The following TBC1D5 variants were observed in gnomAD, a reference collection of about 807,000 sequenced individuals.
The protein encoded by TBC1D5 is TBC1 domain family member 5.
Under a neutral mutation model 100.3 loss-of-function variants are expected in TBC1D5, and 75 were observed. That is an observed-to-expected ratio of 0.75 (90% CI 0.62 to 0.91). The LOEUF (loss-of-function observed/expected upper bound fraction) is 0.91, where lower values mean the gene tolerates loss of function less well. Ranked by LOEUF, TBC1D5 falls within the 40% of genes least tolerant of loss-of-function variation. The pLI is 0.00. For synonymous variants in TBC1D5, 323 were observed against 325.6 expected, an observed-to-expected ratio of 0.99 and a Z score of 0.09; for missense variants, 910 against 942.4, an observed-to-expected ratio of 0.97 and a Z score of 0.45.
intron 2 of TBC1D5, among the ~76,000 whole-genome samples, chr3:17,585,713 C>T (rs2096728479): frequency 6.6e-6 from 1 of 152,160 alleles, no homozygotes; most frequent in Admixed American, 6.5e-5. Flanking sequence ...GCATAAGTGA[C>T]ACATACCAGG....
chr3:17,518,840 G>T (rs73153096), intron 2 of TBC1D5: 10,505 of 152,400 alleles, frequency 0.069, 716 homozygotes, highest in African/African-American at 0.18. Context: ...ACTGCTATGG[G>T]GCCCGAAGTT....
At chr3:17,561,035 T>C (rs1322237797) in intron 2 of TBC1D5, among the ~76,000 whole-genome samples, 1 of 152,192 alleles carries the variant, frequency 6.6e-6, no homozygotes, top group Non-Finnish European at 1.5e-5. Context: ...TAAATTATTA[T>C]TCTGAAAGTC....
chr3:17,490,150 G>A (rs747324355), intron 3 of TBC1D5, among the ~76,000 whole-genome samples: 1 of 152,122 alleles, frequency 6.6e-6, no homozygotes, highest in Non-Finnish European at 1.5e-5. Flanking sequence ...GTCTTCTATT[G>A]AGAAGGGTCT....
At chr3:17,548,397 C>A (rs1241709064) in intron 2 of TBC1D5, among the ~76,000 whole-genome samples, 3 of 152,086 alleles carry the variant, frequency 2.0e-5, no homozygotes, top group Admixed American at 6.6e-5. Flanking sequence ...TATGAAAATA[C>A]TTCCAAAGTT....
intron 1 of TBC1D5, among the ~76,000 whole-genome samples, chr3:17,673,044 G>A (rs371651020): frequency 2.6e-5 from 4 of 152,078 alleles, no homozygotes; most frequent in Non-Finnish European, 4.4e-5. Context: ...GAGGAATAAC[G>A]ATGGCTAAGA....
chr3:17,282,519 T>G (rs2080720067), intron 15 of TBC1D5, among the ~76,000 whole-genome samples: 2 of 152,212 alleles, frequency 1.3e-5, no homozygotes, highest in South Asian at 4.1e-4. Context: ...TAGTCTCCTC[T>G]TTAGGTATTT....
At chr3:17,675,948 G>A (rs987103515) in intron 1 of TBC1D5, among the ~76,000 whole-genome samples, 3 of 151,916 alleles carry the variant, frequency 2.0e-5, no homozygotes, top group African/African-American at 4.8e-5. Flanking sequence ...TCCTTAACAC[G>A]TAAAACTATC....
At chr3:17,500,562 C>T (rs1316687873) in intron 3 of TBC1D5, among the ~76,000 whole-genome samples, 1 of 149,312 alleles carries the variant, frequency 6.7e-6, no homozygotes, top group Non-Finnish European at 1.5e-5. Context: ...AATAGATAAT[C>T]AATAGTCTTC....
chr3:17,480,184 G>A lies in TBC1D5; in HGVS notation c.97+28290C>T, dbSNP rs147206263. 1.1e-3 allele frequency among the ~76,000 whole-genome samples: 166 copies of A among 152,314 alleles called. 3 individuals carry two copies. The East Asian group carries it at 0.021, about 19-fold the overall frequency. ...TCCCTTCAGGACTTCGGGCACCAGC[G>A]AGCGCAGGAGAGAGGGTGATGAGCA... On this transcript the variant is annotated intron_variant, in intron 3 of 21. Coordinates refer to ENST00000253692, the Ensembl canonical transcript of TBC1D5.
At chr3:17,722,760 G>C (rs761447630) in intron 1 of TBC1D5, among the ~76,000 whole-genome samples, 2 of 152,218 alleles carry the variant, frequency 1.3e-5, no homozygotes, top group African/African-American at 4.8e-5. Flanking sequence ...GCATTACTAA[G>C]TGGTGGAGCC....
At chr3:17,738,029 G>A (rs75384600) in intron 1 of TBC1D5, among the ~76,000 whole-genome samples, 10 of 152,210 alleles carry the variant, frequency 6.6e-5, no homozygotes, top group African/African-American at 1.7e-4. Flanking sequence ...ACTAGGCTTC[G>A]CAACACTACC....
intron 3 of TBC1D5, among the ~76,000 whole-genome samples, chr3:17,477,497 A>G (rs1303360128): frequency 6.6e-6 from 1 of 151,960 alleles, no homozygotes; most frequent in Non-Finnish European, 1.5e-5. Context: ...TCTGTCTGGG[A>G]TTATAATTAT....
chr3:17,454,413 C>T (rs1168550363), intron 3 of TBC1D5, among the ~76,000 whole-genome samples: 1 of 152,148 alleles, frequency 6.6e-6, no homozygotes, highest in Non-Finnish European at 1.5e-5. Context: ...CTGATAAATT[C>T]ATTTAAGTTG....
chr3:17,424,223 A>T (rs1429963573), intron 4 of TBC1D5, among the ~76,000 whole-genome samples: 5 of 152,204 alleles, frequency 3.3e-5, no homozygotes, highest in Non-Finnish European at 7.3e-5. Context: ...TAAGATAATT[A>T]AAAACATGCA....
At chr3:17,734,966 G>A (rs2076848731) in intron 1 of TBC1D5, among the ~76,000 whole-genome samples, 1 of 151,970 alleles carries the variant, frequency 6.6e-6, no homozygotes, top group East Asian at 1.9e-4. Flanking sequence ...GGTGGCATGT[G>A]CCTGTGGTCT....
chr3:17,705,075 A>G (rs2073872610), intron 1 of TBC1D5, among the ~76,000 whole-genome samples: 1 of 117,978 alleles, frequency 8.5e-6, no homozygotes, highest in African/African-American at 3.2e-5. Context: ...TCCCTCCCGG[A>G]CGGCACGGCT....
intron 1 of TBC1D5, among the ~76,000 whole-genome samples, chr3:17,725,425 T>C (rs1288472544): frequency 1.3e-5 from 2 of 152,188 alleles, no homozygotes; most frequent in South Asian, 2.1e-4. Context: ...CAACTTTTCT[T>C]GCAGCCTCCT....
chr3:17,447,150 A>G (rs73161470), intron 3 of TBC1D5, among the ~76,000 whole-genome samples: 13,852 of 152,198 alleles, frequency 0.091, 1,423 homozygotes, highest in African/African-American at 0.26. Context: ...AGGATCTCAA[A>G]AGATATTCAT....
intron 18 of TBC1D5, among the ~76,000 whole-genome samples, chr3:17,199,552 GAAC>G (rs1424122994): frequency 6.6e-6 from 1 of 152,164 alleles, no homozygotes; most frequent in Admixed American, 6.5e-5. Flanking sequence ...ATCCAACTGA[GAAC>G]ATCCCAAAGT....
Sources: allele counts gnomAD v4.1 joint callset (sites outside exome capture counted in the v4.1 genomes callset), GRCh38; gene constraint gnomAD v4.1.1; transcripts MANE v1.5; gene names NCBI Gene and HGNC (gene_info 2026-07-23, HGNC 2026-07-21).